The following KCNIP4 variants were observed in gnomAD, a reference collection of about 807,000 sequenced individuals.
KCNIP4 encodes potassium voltage-gated channel interacting protein 4, also known as Kv channel-interacting protein 4.
Under a neutral mutation model 34.0 loss-of-function variants are expected in KCNIP4, and 12 were observed. The ratio of observed to expected loss-of-function variants is 0.35; its 90% CI spans 0.23 to 0.57. KCNIP4 has a LOEUF of 0.57. Among genes scored for constraint, KCNIP4 ranks in the 20% least tolerant of loss-of-function variants. The probability of loss-of-function intolerance (pLI) is 0.83; values close to 1 mark genes in which losing one functional copy is unlikely to be tolerated. For missense variants in KCNIP4, 238 were observed against 311.7 expected, an observed-to-expected ratio of 0.76 and a Z score of 1.78; for synonymous variants, 124 against 102.2, an observed-to-expected ratio of 1.21 and a Z score of -1.29.
chr4:21,263,810 C>G (rs145071264), intron 1 of KCNIP4, among the ~76,000 whole-genome samples: 9 of 152,236 alleles, frequency 5.9e-5, no homozygotes, highest in African/African-American at 2.2e-4. Flanking sequence ...CATGCACCAC[C>G]ATGCCTGACT....
intron 1 of KCNIP4, among the ~76,000 whole-genome samples, chr4:20,968,869 A>G (rs1734647061): frequency 6.6e-6 from 1 of 152,154 alleles, no homozygotes; most frequent in Non-Finnish European, 1.5e-5. Flanking sequence ...TGGCACATGT[A>G]TACCTACGTA....
rs150307286 is a variant in KCNIP4, at chr4:21,636,584, A to G, written c.61+311987T>C. On this transcript the variant is annotated intron_variant, in intron 1 of 8. Coordinates refer to ENST00000382152, the MANE Select transcript of KCNIP4 (RefSeq NM_025221.6). ...TGTGTGGCAGACAATGAAGTGTAAT[A>G]CTGACATTCTCTCTGAAACTCTCCA... Among the ~76,000 whole-genome samples, 573 of 152,278 alleles carry G rather than the reference A, an allele frequency of 3.8e-3. 1 individual carries two copies. Among genetic ancestry groups the G allele is most frequent in the Non-Finnish European group, 7.0e-3 (473 of 68,020 alleles).
chr4:20,783,932 A>C (rs1711574880), intron 3 of KCNIP4, among the ~76,000 whole-genome samples: 1 of 152,126 alleles, frequency 6.6e-6, no homozygotes, highest in African/African-American at 2.4e-5. Flanking sequence ...CCTTACATAT[A>C]TCTGGCACTG....
At chr4:21,894,462 A>T (rs1445503035) in intron 1 of KCNIP4, among the ~76,000 whole-genome samples, 5 of 152,164 alleles carry the variant, frequency 3.3e-5, no homozygotes, top group Admixed American at 2.6e-4. Flanking sequence ...ACCTGTTCTA[A>T]AAACTAAGGC....
At chr4:20,810,009 G>A (rs1169229001) in intron 3 of KCNIP4, among the ~76,000 whole-genome samples, 7 of 152,172 alleles carry the variant, frequency 4.6e-5, no homozygotes, top group Admixed American at 4.6e-4. Flanking sequence ...GCACGTTTTT[G>A]CACATGAAAC....
At chr4:20,952,109 T>A (rs144611288) in intron 1 of KCNIP4, among the ~76,000 whole-genome samples, 40 of 152,274 alleles carry the variant, frequency 2.6e-4, no homozygotes, top group African/African-American at 8.4e-4. Context: ...GGATTACAAA[T>A]ACATTTAACA....
chr4:21,418,665 C>A (rs1247744204), intron 1 of KCNIP4, among the ~76,000 whole-genome samples: 1 of 152,036 alleles, frequency 6.6e-6, no homozygotes, highest in African/African-American at 2.4e-5. Flanking sequence ...AAGGTCTTTC[C>A]TCCAACATCC....
chr4:21,644,271 T>C (rs934273808), intron 1 of KCNIP4, among the ~76,000 whole-genome samples: 2 of 152,074 alleles, frequency 1.3e-5, no homozygotes, highest in Admixed American at 6.6e-5. Flanking sequence ...AAATCTAATA[T>C]TACTTTTGGA....
At chr4:21,367,098 A>G (rs1202796905) in intron 1 of KCNIP4, among the ~76,000 whole-genome samples, 1 of 152,116 alleles carries the variant, frequency 6.6e-6, no homozygotes. Context: ...CCATTTTAAA[A>G]GTGGAGAGAA....
chr4:21,912,955 G>A (rs1045934356), intron 1 of KCNIP4, among the ~76,000 whole-genome samples: 1 of 151,954 alleles, frequency 6.6e-6, no homozygotes, highest in Non-Finnish European at 1.5e-5. Context: ...CATGTAGAGA[G>A]TAAACTGAAG....
rs1297902701 is a variant in KCNIP4 at position 21,634,240 on chromosome 4, A to C, written c.61+314331T>G. Among the ~76,000 whole-genome samples, 4 of 151,478 alleles carry C rather than the reference A, an allele frequency of 2.6e-5. No individual in the cohort carries two copies. The East Asian group carries it at 7.8e-4, about 29-fold the overall frequency. On this transcript the variant is annotated intron_variant, in intron 1 of 8. Coordinates refer to ENST00000382152, the MANE Select transcript of KCNIP4 (RefSeq NM_025221.6). ...TCTTTCCTCAAAAAAAAAAAAAAAA[A>C]AAAAAAACACATACATACATACTTT...
At chr4:21,856,504 C>T (rs576744915) in intron 1 of KCNIP4, among the ~76,000 whole-genome samples, 16 of 152,270 alleles carry the variant, frequency 1.1e-4, no homozygotes, top group African/African-American at 2.4e-4. Flanking sequence ...CAGGAACAGG[C>T]GGAAGCTCCA....
rs565451738 is a variant in KCNIP4 at position 21,748,938 on chromosome 4, T to C, written c.61+199633A>G. On this transcript the variant is annotated intron_variant, in intron 1 of 8. Transcript: ENST00000382152. Reference sequence around the variant, plus strand: ...TCAAAGGCAAGAAAACTGACTGCTGTTATGTAAGTAATAACCACAGTACAA... The same window carrying C: ...TCAAAGGCAAGAAAACTGACTGCTGCTATGTAAGTAATAACCACAGTACAA... Among the ~76,000 whole-genome samples, 16 of 152,272 alleles carry C rather than the reference T, an allele frequency of 1.1e-4. No individual in the cohort carries two copies. The South Asian group carries it at 2.9e-3, about 28-fold the overall frequency.
At chr4:21,358,023 C>T (rs892076087) in intron 1 of KCNIP4, among the ~76,000 whole-genome samples, 1 of 152,030 alleles carries the variant, frequency 6.6e-6, no homozygotes, top group Non-Finnish European at 1.5e-5. Flanking sequence ...TTTGTAGGGA[C>T]GTGGATGAAG....
chr4:21,458,904 T>G (rs1729205023), intron 1 of KCNIP4, among the ~76,000 whole-genome samples: 1 of 152,024 alleles, frequency 6.6e-6, no homozygotes, highest in Non-Finnish European at 1.5e-5. Flanking sequence ...TCTCTTAATA[T>G]GGACTAACTG....
chr4:20,732,458 C>A (rs1447678408), intron 7 of KCNIP4, among the ~76,000 whole-genome samples: 1 of 152,162 alleles, frequency 6.6e-6, no homozygotes, highest in African/African-American at 2.4e-5. Flanking sequence ...AACATGAGAA[C>A]TGTTTAGTGT....
chr4:20,943,996 AG>A (rs1439911268), intron 1 of KCNIP4, among the ~76,000 whole-genome samples: 1 of 152,222 alleles, frequency 6.6e-6, no homozygotes, highest in Non-Finnish European at 1.5e-5. Flanking sequence ...AGGTTAATCA[AG>A]GTAATCACAG....
At chr4:21,009,420 G>A (rs1164284255) in intron 1 of KCNIP4, among the ~76,000 whole-genome samples, 1 of 152,142 alleles carries the variant, frequency 6.6e-6, no homozygotes, top group African/African-American at 2.4e-5. Flanking sequence ...TGGCCTTAAA[G>A]ACTTTCTTTC....
chr4:21,671,092 T>G (rs6840297), intron 1 of KCNIP4, among the ~76,000 whole-genome samples: 14,622 of 152,122 alleles, frequency 0.096, 858 homozygotes, highest in Non-Finnish European at 0.14. Context: ...ACAGGTCATA[T>G]TCAGAGTTGA....
Sources: allele counts gnomAD v4.1 joint callset (sites outside exome capture counted in the v4.1 genomes callset), GRCh38; gene constraint gnomAD v4.1.1; transcripts MANE v1.5; gene names NCBI Gene and HGNC (gene_info 2026-07-23, HGNC 2026-07-21).